Variants in SHTN1 observed in about 807,000 individuals in gnomAD.
SHTN1 encodes the protein shootin-1.
A neutral mutation model predicts 83.1 loss-of-function variants in SHTN1; 42 were observed. That is an observed-to-expected ratio of 0.51 (90% confidence interval 0.39 to 0.65). The LOEUF is 0.65. Among genes scored for constraint, SHTN1 ranks in the 30% least tolerant of loss-of-function variants. The probability of loss-of-function intolerance (pLI) is 0.00; values close to 1 mark genes in which losing one functional copy is unlikely to be tolerated. For synonymous variants in SHTN1, 224 were observed against 247.7 expected, an observed-to-expected ratio of 0.90 and a Z score of 0.90; for missense variants, 622 against 737.8, an observed-to-expected ratio of 0.84 and a Z score of 1.82.
chr10:117,007,845 T>C (rs1415038522), upstream of SHTN1, among the ~76,000 whole-genome samples: 1 of 151,826 alleles, frequency 6.6e-6, no homozygotes, highest in East Asian at 1.9e-4. Context: ...ACCCTGTCTC[T>C]ACTAAAAATA....
intron 1 of SHTN1, among the ~76,000 whole-genome samples, chr10:116,995,237 T>C (rs1851586429): frequency 6.6e-6 from 1 of 152,130 alleles, no homozygotes; most frequent in Non-Finnish European, 1.5e-5. Context: ...AGGAGGTATA[T>C]GGGAAGAACA....
chr10:117,026,549 A>T (rs1039144329), intron 2 of SHTN1, among the ~76,000 whole-genome samples: 1 of 151,992 alleles, frequency 6.6e-6, no homozygotes, highest in Admixed American at 6.6e-5. Flanking sequence ...CAGCCTCCCA[A>T]GTAGCTTGGA....
At chr10:116,886,845 AT>A (rs1407034719) in intron 16 of SHTN1, among the ~76,000 whole-genome samples, 2 of 152,218 alleles carry the variant, frequency 1.3e-5, no homozygotes, top group Non-Finnish European at 1.5e-5. Flanking sequence ...GCTTAATTGC[AT>A]TCTCTTCTCA....
At chr10:117,117,258 C>A (rs565203407) in intron 1 of SHTN1, among the ~76,000 whole-genome samples, 71 of 152,168 alleles carry the variant, frequency 4.7e-4, no homozygotes, top group Non-Finnish European at 9.1e-4. Context: ...TTAATATGCA[C>A]CAACGACGAA....
chr10:116,973,202 A>G (rs1420745501), intron 2 of SHTN1, among the ~76,000 whole-genome samples: 4 of 152,216 alleles, frequency 2.6e-5, no homozygotes, highest in Non-Finnish European at 5.9e-5. Flanking sequence ...AGAAATCTTT[A>G]TATTCTGTTG....
chr10:116,978,779 C>T (rs1322139234), intron 2 of SHTN1, among the ~76,000 whole-genome samples: 1 of 152,152 alleles, frequency 6.6e-6, no homozygotes, highest in Non-Finnish European at 1.5e-5. Context: ...TGCTTCTCAA[C>T]TTCCAGTGTA....
chr10:117,097,933 A>G (rs566174645), intron 1 of SHTN1, among the ~76,000 whole-genome samples: 2 of 152,206 alleles, frequency 1.3e-5, no homozygotes, highest in South Asian at 2.1e-4. Flanking sequence ...GATAATGGCA[A>G]AAGTCAGAGG....
At chr10:117,089,976 C>T (rs1278529827) in intron 1 of SHTN1, among the ~76,000 whole-genome samples, 2 of 152,010 alleles carry the variant, frequency 1.3e-5, no homozygotes, top group Non-Finnish European at 2.9e-5. Flanking sequence ...ACACTGTTGG[C>T]GAGAATGTAA....
chr10:117,035,947 C>CA (rs35033048), intron 2 of SHTN1, among the ~76,000 whole-genome samples: 15,337 of 72,156 alleles, frequency 0.21, 2,766 homozygotes, highest in African/African-American at 0.34. Context: ...AACTCCATCT[C>CA]AAAAAAAAAA....
chr10:116,913,275 G>A (rs532063327), intron 13 of SHTN1, among the ~76,000 whole-genome samples: 85 of 152,166 alleles, frequency 5.6e-4, no homozygotes, highest in Non-Finnish European at 9.4e-4. Flanking sequence ...ACAAAATGTC[G>A]CCATTTGTGA....
At chr10:116,923,028 G>T (rs1035044675) in intron 11 of SHTN1, among the ~76,000 whole-genome samples, 10 of 151,968 alleles carry the variant, frequency 6.6e-5, no homozygotes, top group African/African-American at 2.4e-4. Context: ...AATGATACAT[G>T]AAAATTCCAA....
At position 116,954,089 on chromosome 10, in the gene SHTN1, C is replaced by G; in HGVS notation, c.389G>C (p.Gly130Ala). The change falls in exon 5 of 17, where the codon GGT becomes GCT. Residue 130 changes from glycine to alanine, a missense_variant. Gly to Ala is a moderately conservative substitution (Grantham distance 60). This residue lies in a region of SHTN1 where 383 missense variants were observed against 455.8 expected (regional missense o/e 0.84). Transcript: ENST00000355371. ...TACTGAGACACAAGTCTCGGCGGCA[C>G]CGTCTGTGTCTGTAGTCGAATCTTC... ...DDEDSTTDTDGAAETCVSVQC... is the reference protein window; with the variant it reads ...DDEDSTTDTDAAAETCVSVQC... 1 of 1,613,740 alleles carries G rather than the reference C, an allele frequency of 6.2e-7. No individual in the cohort carries two copies. Among genetic ancestry groups the G allele is most frequent in the South Asian group, 1.1e-5 (1 of 90,980 alleles).
At chr10:117,053,778 G>C (rs1009658905) in intron 1 of SHTN1, among the ~76,000 whole-genome samples, 1 of 152,118 alleles carries the variant, frequency 6.6e-6, no homozygotes, top group African/African-American at 2.4e-5. Context: ...AAAAGTGAAA[G>C]TGTCAAACAA....
chr10:117,003,031 A>G (rs1035897182), intron 1 of SHTN1, among the ~76,000 whole-genome samples: 6 of 152,194 alleles, frequency 3.9e-5, no homozygotes, highest in Admixed American at 2.0e-4. Context: ...CCGAAATCAA[A>G]TATAAGCAAT....
At chr10:117,076,286 G>A (rs1853152696) in intron 1 of SHTN1, among the ~76,000 whole-genome samples, 1 of 152,036 alleles carries the variant, frequency 6.6e-6, no homozygotes, top group African/African-American at 2.4e-5. Flanking sequence ...TTAGGAAAGT[G>A]ACAGTAGGGG....
At chr10:116,906,342 G>A (rs1589794523) in intron 15 of SHTN1, among the ~76,000 whole-genome samples, 2 of 152,136 alleles carry the variant, frequency 1.3e-5, no homozygotes, top group East Asian at 1.9e-4. Context: ...TATTGTTGCC[G>A]AATCTCTTCC....
chr10:116,979,430 G>A (rs1589863727), intron 1 of SHTN1, 122 bp from the exon 2 acceptor site: 1 of 741,390 alleles, frequency 1.3e-6, no homozygotes, highest in Admixed American at 2.3e-5. Flanking sequence ...AGAAGAGGCT[G>A]CAGAAAAGGG....
At chr10:117,093,305 G>T (rs976906441) in intron 1 of SHTN1, among the ~76,000 whole-genome samples, 61 of 152,196 alleles carry the variant, frequency 4.0e-4, no homozygotes, top group Non-Finnish European at 5.9e-5. Flanking sequence ...GCTACTGCAG[G>T]TGATCTTGTG....
chr10:117,019,034 C>G (rs1039876231), intron 2 of SHTN1, among the ~76,000 whole-genome samples: 3 of 152,012 alleles, frequency 2.0e-5, no homozygotes, highest in Non-Finnish European at 4.4e-5. Flanking sequence ...TTCAAAAAAG[C>G]TACTAAAATG....
Sources: gnomAD v4.1 joint callset for allele counts (sites outside exome capture counted in the v4.1 genomes callset) on GRCh38, gnomAD v4.1.1 for gene constraint, gnomAD v4.1.1 regional missense constraint, MANE v1.5 for transcripts, NCBI Gene and HGNC (gene_info 2026-07-23, HGNC 2026-07-21) for gene names.